Variants in BRD3 observed in about 807,000 individuals in gnomAD.
BRD3 encodes the protein bromodomain containing 3.
Under a neutral mutation model 66.8 loss-of-function variants are expected in BRD3, and 17 were observed. That is an observed-to-expected ratio of 0.25 (90% CI 0.17 to 0.38). The LOEUF is 0.38. Among genes scored for constraint, BRD3 ranks in the 10% least tolerant of loss-of-function variants. The pLI, the probability that BRD3 is intolerant of heterozygous loss-of-function variation, is 1.00. For synonymous variants in BRD3, 421 were observed against 393.2 expected (o/e 1.07, Z -0.84); for missense variants, 713 against 956.1 (o/e 0.75, Z 3.35).
At position 134,033,000 on chromosome 9, in the gene BRD3, A is replaced by AC. The variant is rs557901446; in HGVS notation, c.*589dup. ...CGGAGAACGCACATCCCACCCGACC[A>AC]CCCCCCAAGGGCTCCACGCTCCGGG... On this transcript the variant is annotated 3_prime_UTR_variant, in exon 12 of 12. Coordinates refer to ENST00000303407, the MANE Select transcript of BRD3 (RefSeq NM_007371.4). The AC allele has an allele frequency of 9.1e-5, 36 of 394,936 alleles. No individual in the cohort carries two copies. The highest frequency in any genetic ancestry group is 5.8e-4 in the South Asian group (4 of 6,896). The allele number at this position is 394,936 out of a possible 1,614,324, so 24.5% of individuals were successfully genotyped here.
rs945303539 is a variant in BRD3 at position 134,042,101 on chromosome 9, G to T, written c.1216-150C>A. The T allele has an allele frequency of 4.1e-5, 38 of 923,358 alleles. No homozygotes were observed. The Admixed American group carries it at 7.9e-4, about 19-fold the overall frequency. 57.2% of individuals were successfully genotyped at this position (923,358 alleles called of 1,614,324 possible). On this transcript the variant is annotated intron_variant, in intron 7 of 11. Coordinates refer to ENST00000303407, the MANE Select transcript of BRD3 (RefSeq NM_007371.4). ...GGAGGAGACAGGGTCCCGCCTGCCT[G>T]GGGGGCTGTGGTTGCTTCCAGCTTG...
rs1469154561 is a variant in BRD3, at chr9:134,032,803, TC to T, written c.*786del. ...GCGGGGACTCACAGCGGGCTGGACT[TC>T]CGTAGAAAATTGCCGAACCTTACAA... On this transcript the variant is annotated 3_prime_UTR_variant, in exon 12 of 12. Transcript: ENST00000303407. 2 of 252,390 alleles carry T rather than the reference TC, an allele frequency of 7.9e-6. No homozygotes were observed. Among genetic ancestry groups the T allele is most frequent in the Non-Finnish European group, 1.5e-5 (2 of 132,704 alleles). 15.6% of individuals were successfully genotyped at this position (252,390 alleles called of 1,614,324 possible).
At chr9:134,042,644 TATACACACAC>T (rs1055364498) in intron 7 of BRD3, among the ~76,000 whole-genome samples, 7 of 128,788 alleles carry the variant, frequency 5.4e-5, no homozygotes, top group African/African-American at 8.8e-5. Flanking sequence ...CTCAAATATA[TATACACACAC>T]ACACACACAC....
intron 9 of BRD3, chr9:134,036,700 T>A: frequency 1.0e-6 from 1 of 972,684 alleles, no homozygotes; most frequent in Non-Finnish European, 1.6e-6. Context: ...ATTATATCAA[T>A]AATTATGTGA....
chr9:134,043,627 TC>T (rs1830107960), intron 7 of BRD3, among the ~76,000 whole-genome samples: 3 of 152,186 alleles, frequency 2.0e-5, no homozygotes, highest in East Asian at 1.9e-4. Flanking sequence ...GCAGGTCAGG[TC>T]GTTTTGCTGT....
chr9:134,065,948 C>T (rs1454262579), intron 1 of BRD3, among the ~76,000 whole-genome samples: 1 of 152,228 alleles, frequency 6.6e-6, no homozygotes, highest in Non-Finnish European at 1.5e-5. Flanking sequence ...CTGGGTATGA[C>T]TACTTCGGAG....
In BRD3 at chr9:134,045,530, G is replaced by GGCCAGTA; in HGVS notation, c.1087-110_1087-109insTACTGGC. On this transcript the variant is annotated intron_variant, in intron 6 of 11. Transcript: ENST00000303407. This position sits in a 1 kb window ranked among gnomAD's most constrained non-coding sequence, Gnocchi z 4.8. Reference sequence around the variant, plus strand: ...GCCTCAGGAGCCACTGCCAGCTCCAGGGCAGTGCCTACTGGCCTGGCCGGC... The same window carrying GGCCAGTA: ...GCCTCAGGAGCCACTGCCAGCTCCAGGCCAGTAGGCAGTGCCTACTGGCCTGGCCGGC... The GGCCAGTA allele has an allele frequency of 1.3e-6, 2 of 1,511,856 alleles. No homozygotes were observed. The highest frequency in any genetic ancestry group is 1.8e-6 in the Non-Finnish European group (2 of 1,105,156). The allele number at this position is 1,511,856 out of a possible 1,614,324, so 93.7% of individuals were successfully genotyped here. A position where few individuals can be genotyped will look rare whatever the true frequency, so the allele number is the denominator to read the frequency against.
At chr9:134,034,967 C>G (rs1843577433) in intron 10 of BRD3, 138 bp from the exon 11 acceptor site, 13 of 1,325,368 alleles carry the variant, frequency 9.8e-6, no homozygotes, top group Non-Finnish European at 1.3e-5. Flanking sequence ...AGTCTGGGAG[C>G]TGACAGATGC....
intron 9 of BRD3, among the ~76,000 whole-genome samples, chr9:134,037,786 C>G (rs1261970298): frequency 6.6e-6 from 1 of 151,918 alleles, no homozygotes; most frequent in Non-Finnish European, 1.5e-5. Context: ...TATCCAGATT[C>G]ACCAAGAAAA....
At chr9:134,036,398 T>G in intron 9 of BRD3, 74 bp from the exon 10 acceptor site, 1 of 1,571,750 alleles carries the variant, frequency 6.4e-7, no homozygotes, top group Non-Finnish European at 8.6e-7. Flanking sequence ...CACACACCCC[T>G]TCCTCCCAAC....
chr9:134,038,805 G>A (rs1829982060), intron 9 of BRD3, among the ~76,000 whole-genome samples: 1 of 152,092 alleles, frequency 6.6e-6, no homozygotes, highest in Non-Finnish European at 1.5e-5. Context: ...GATGCTCAAT[G>A]GGGAGTATAA....
chr9:134,044,365 T>C (rs2132405839), intron 7 of BRD3, among the ~76,000 whole-genome samples: 1 of 152,206 alleles, frequency 6.6e-6, no homozygotes, highest in East Asian at 1.9e-4. Flanking sequence ...TTATGGGTCC[T>C]GTGTCATCCA....
chr9:134,044,687 GCA>G (rs1390494008), intron 7 of BRD3, among the ~76,000 whole-genome samples: 3 of 152,102 alleles, frequency 2.0e-5, no homozygotes. Flanking sequence ...GCAGGCAGGA[GCA>G]CACACACGCA....
chr9:134,058,501 C>G (rs1399166882), intron 1 of BRD3: 6 of 152,416 alleles, frequency 3.9e-5, no homozygotes, highest in African/African-American at 1.2e-4. Flanking sequence ...ACACCAGGGA[C>G]CAGCCCCTGT....
intron 1 of BRD3, among the ~76,000 whole-genome samples, chr9:134,067,433 A>C (rs990876366): frequency 8.0e-5 from 12 of 149,686 alleles, no homozygotes; most frequent in South Asian, 2.1e-4. Flanking sequence ...CCGGCGGAAC[A>C]GGCGCGGGGA....
At chr9:134,048,566 G>A in intron 5 of BRD3, 112 bp from the exon 6 acceptor site, 1 of 1,503,040 alleles carries the variant, frequency 6.7e-7, no homozygotes, top group Admixed American at 1.8e-5. Context: ...GGGCTAAGCG[G>A]CCACATGCAC....
At chr9:134,039,686 GC>G (rs1483916756) in intron 9 of BRD3, among the ~76,000 whole-genome samples, 1 of 152,216 alleles carries the variant, frequency 6.6e-6, no homozygotes, top group Admixed American at 6.5e-5. Flanking sequence ...CACCATCCCT[GC>G]CCCCTGCCTA....
rs981727510 is a variant in BRD3, at chr9:134,051,436, G to A, written c.499+126C>T. On this transcript the variant is annotated intron_variant, in intron 4 of 11. Coordinates refer to ENST00000303407, the MANE Select transcript of BRD3 (RefSeq NM_007371.4). ...CACAGGCCACACTCATCCAAGACCC[G>A]GCACCCACGAGCTCGTCACGACAGA... The A allele has an allele frequency of 1.3e-4, 133 of 1,031,956 alleles. 2 individuals are homozygous for A. The highest frequency in any genetic ancestry group is 1.1e-3 in the South Asian group (51 of 48,212). The allele number at this position is 1,031,956 out of a possible 1,614,324, so 63.9% of individuals were successfully genotyped here.
chr9:134,039,229 G>A (rs994370434), intron 9 of BRD3, among the ~76,000 whole-genome samples: 2 of 152,206 alleles, frequency 1.3e-5, no homozygotes, highest in East Asian at 1.9e-4. Flanking sequence ...TAGTGGCGAG[G>A]ATCTGATCAT....
Sources: gnomAD v4.1 joint callset for allele counts (sites outside exome capture counted in the v4.1 genomes callset) on GRCh38, gnomAD v4.1.1 for gene constraint, Gnocchi (gnomAD v3.1) non-coding constraint, MANE v1.5 for transcripts, NCBI Gene and HGNC (gene_info 2026-07-23, HGNC 2026-07-21) for gene names.